CRIPTO3: variants seen among roughly 807,000 people sequenced by gnomAD.
CRIPTO3 encodes cripto, EGF-CFC family member 3.
the CRIPTO3 span, chrX:110,521,859 A>G: frequency 8.0e-6 from 4 of 499,501 alleles, no homozygotes; most frequent in East Asian, 1.4e-4. Flanking sequence ...TCCTTACAGA[A>G]CTAACTACTT....
At chrX:110,522,025 G>A in the CRIPTO3 span, 2 of 398,873 alleles carry the variant, frequency 5.0e-6, no homozygotes, top group South Asian at 9.5e-5. Flanking sequence ...ACGCGATCTC[G>A]GTTCACTGCA....
the CRIPTO3 span, chrX:110,521,961 C>CT: frequency 0.037 from 11,308 of 305,393 alleles, 4 homozygotes; most frequent in Middle Eastern, 0.055. Context: ...TCCAGTGTTT[C>CT]TTTTTTTTTT....
At chrX:110,522,767 T>C in the CRIPTO3 span, 2 of 111,586 alleles carry the variant, frequency 1.8e-5, no homozygotes, top group African/African-American at 6.5e-5. Flanking sequence ...GCTATTCAAT[T>C]CTTTTAACTG....
chrX:110,522,147 C>T, the CRIPTO3 span: 25 of 269,282 alleles, frequency 9.3e-5, no homozygotes, highest in African/African-American at 3.7e-4. Flanking sequence ...TTAGTAGAGA[C>T]GGGGGTTTCA....
the CRIPTO3 span, chrX:110,522,048 G>A: frequency 2.6e-6 from 1 of 385,079 alleles, no homozygotes; most frequent in Non-Finnish European, 4.5e-6. Flanking sequence ...CTCCGCATCC[G>A]GGGTTCAAGC....
chrX:110,522,262 G>A, the CRIPTO3 span: 98 of 136,529 alleles, frequency 7.2e-4, 1 homozygote, highest in African/African-American at 2.9e-3. Flanking sequence ...AAGGCCTGGT[G>A]TTTCTTGGTA....
chrX:110,522,568 G>C, the CRIPTO3 span: 1 of 110,912 alleles, frequency 9.0e-6, no homozygotes, highest in Admixed American at 9.6e-5. Context: ...TGGTGATTAG[G>C]TGGTGGTAGA....
the CRIPTO3 span, chrX:110,521,632 C>A: frequency 5.8e-6 from 7 of 1,211,813 alleles, no homozygotes; most frequent in Non-Finnish European, 6.7e-6. Flanking sequence ...GAACTACCAC[C>A]GTCTGCACGT....
chrX:110,521,064 T>C, the CRIPTO3 span: 1 of 932,387 alleles, frequency 1.1e-6, no homozygotes, highest in East Asian at 3.1e-5. Flanking sequence ...TTCCTTTGGC[T>C]GTTTTGGCAA....
chrX:110,521,747 C>T, the CRIPTO3 span: 57 of 1,020,215 alleles, frequency 5.6e-5, no homozygotes, highest in East Asian at 1.6e-3. Flanking sequence ...ATGCAAATTT[C>T]ATGACCCGTA....
At chrX:110,522,150 G>A in the CRIPTO3 span, 12 of 262,523 alleles carry the variant, frequency 4.6e-5, no homozygotes, top group Non-Finnish European at 2.6e-5. Context: ...GTAGAGACGG[G>A]GGTTTCACCA....
chrX:110,523,021 C>T, the CRIPTO3 span: 6 of 110,435 alleles, frequency 5.4e-5, no homozygotes, highest in Non-Finnish European at 1.1e-4. Flanking sequence ...ATCAAAATAG[C>T]CATAGAGTTG....
At chrX:110,521,175 A>G in the CRIPTO3 span, 2 of 1,112,249 alleles carry the variant, frequency 1.8e-6, no homozygotes, top group Admixed American at 2.2e-5. Context: ...TGTGATTTGG[A>G]TCATGGCCAT....
the CRIPTO3 span, chrX:110,521,937 C>T: frequency 2.3e-6 from 1 of 443,364 alleles, no homozygotes; most frequent in Middle Eastern, 6.2e-4. Flanking sequence ...AGCCATATCT[C>T]CATTGTGCCC....
chrX:110,522,020 A>G, the CRIPTO3 span: 78 of 397,289 alleles, frequency 2.0e-4, no homozygotes, highest in African/African-American at 1.9e-3. Context: ...CAATGACGCG[A>G]TCTCGGTTCA....
chrX:110,521,412 T>G, the CRIPTO3 span: 1 of 1,209,817 alleles, frequency 8.3e-7, no homozygotes, highest in African/African-American at 1.7e-5. Flanking sequence ...GGAGTCCTTT[T>G]GTGCCTGCCC....
At chrX:110,521,509 A>G in the CRIPTO3 span, 3 of 1,209,903 alleles carry the variant, frequency 2.5e-6, no homozygotes, top group Admixed American at 4.4e-5. Context: ...CTGCCCAAGA[A>G]GTGTTCCCTG....
chrX:110,521,332 T>C, the CRIPTO3 span: 10,184 of 1,206,738 alleles, frequency 8.4e-3, 453 homozygotes, highest in African/African-American at 0.15. Context: ...CAGCGTGTGC[T>C]GCCCATGGGA....
At chrX:110,521,433 T>A in the CRIPTO3 span, 1 of 1,211,700 alleles carries the variant, frequency 8.3e-7, no homozygotes, top group Non-Finnish European at 1.1e-6. Flanking sequence ...TCCCTCCTTC[T>A]ACGGACGGAA....
Sources: allele counts gnomAD v4.1 joint callset, GRCh38; gene constraint gnomAD v4.1.1; transcripts MANE v1.5; gene names NCBI Gene and HGNC (gene_info 2026-07-23, HGNC 2026-07-21).